KCNIP4: variants seen among roughly 807,000 people sequenced by gnomAD.
KCNIP4 encodes the protein potassium voltage-gated channel interacting protein 4, also known as Kv channel-interacting protein 4.
In KCNIP4, 12 loss-of-function variants were observed where a neutral mutation model predicts 34.0. The observed-to-expected ratio is 0.35, with a 90% confidence interval of 0.23 to 0.57. KCNIP4 has a LOEUF of 0.57. KCNIP4 is among the 20% of genes least tolerant of loss of function. KCNIP4 has a pLI of 0.83. For synonymous variants in KCNIP4, 124 were observed against 102.2 expected (o/e 1.21, Z -1.29); for missense variants, 238 against 311.7 (o/e 0.76, Z 1.78).
intron 1 of KCNIP4, among the ~76,000 whole-genome samples, chr4:21,745,332 A>C (rs1045494027): frequency 1.3e-5 from 2 of 152,182 alleles, no homozygotes; most frequent in Non-Finnish European, 2.9e-5. Flanking sequence ...AGATTTCAGA[A>C]AGTAGTAGCT....
In KCNIP4 at chr4:21,401,730, C is replaced by T. The variant is rs552689590; in HGVS notation, c.62-519021G>A. Among the ~76,000 whole-genome samples, 6 of 152,296 alleles carry T rather than the reference C, an allele frequency of 3.9e-5. No individual in the cohort carries two copies. The East Asian group carries it at 9.6e-4, about 24-fold the overall frequency. Reference sequence around the variant, plus strand: ...TGAAAATGAGTCTGATGTGCTAATTCATAGCACATTCCCTATACTTACGTT... The same window carrying T: ...TGAAAATGAGTCTGATGTGCTAATTTATAGCACATTCCCTATACTTACGTT... On this transcript the variant is annotated intron_variant, in intron 1 of 8. Coordinates refer to ENST00000382152, the MANE Select transcript of KCNIP4 (RefSeq NM_025221.6).
intron 1 of KCNIP4, among the ~76,000 whole-genome samples, chr4:21,130,073 C>A (rs967546451): frequency 5.9e-5 from 9 of 152,022 alleles, no homozygotes; most frequent in Non-Finnish European, 1.0e-4. Flanking sequence ...CTTGAATGAC[C>A]TTGGCCTTCC....
At chr4:21,463,087 T>C (rs896043005) in intron 1 of KCNIP4, among the ~76,000 whole-genome samples, 8 of 152,054 alleles carry the variant, frequency 5.3e-5, no homozygotes, top group Non-Finnish European at 8.8e-5. Context: ...TTGAGAAATC[T>C]CCATATTGTT....
At chr4:21,458,077 T>C (rs898244164) in intron 1 of KCNIP4, among the ~76,000 whole-genome samples, 1 of 151,348 alleles carries the variant, frequency 6.6e-6, no homozygotes, top group Admixed American at 6.6e-5. Flanking sequence ...TGTGCCATGC[T>C]GGTGCGCTGC....
intron 1 of KCNIP4, among the ~76,000 whole-genome samples, chr4:21,604,633 C>T (rs1053445217): frequency 7.9e-5 from 12 of 152,084 alleles, no homozygotes; most frequent in Non-Finnish European, 1.6e-4. Flanking sequence ...TCTTTTATTT[C>T]CATACAGAGT....
intron 1 of KCNIP4, among the ~76,000 whole-genome samples, chr4:20,990,873 A>G (rs1737024411): frequency 6.6e-6 from 1 of 152,180 alleles, no homozygotes; most frequent in Non-Finnish European, 1.5e-5. Context: ...GTGATTCTCC[A>G]GGATAATAAT....
Position 21,059,253 on chromosome 4 carries a change from T to A in KCNIP4, c.62-176544A>T, listed in dbSNP as rs1032992441. Among the ~76,000 whole-genome samples, 13 of 152,180 alleles carry A rather than the reference T, an allele frequency of 8.5e-5. No homozygotes were observed. In the East Asian group the frequency reaches 9.6e-4, roughly 11 times the overall value. On this transcript the variant is annotated intron_variant, in intron 1 of 8. Transcript: ENST00000382152. ...CTTTGTGGGTCTAAAAATATCCGAC[T>A]TTTTCCTCTGAGCAATTGTACTTCT...
intron 1 of KCNIP4, among the ~76,000 whole-genome samples, chr4:21,025,868 T>C (rs1447279647): frequency 6.6e-6 from 1 of 152,124 alleles, no homozygotes; most frequent in East Asian, 1.9e-4. Context: ...TACTGGTTTT[T>C]AAAATTTATT....
intron 1 of KCNIP4, among the ~76,000 whole-genome samples, chr4:21,025,821 C>T (rs1740513963): frequency 6.6e-6 from 1 of 152,026 alleles, no homozygotes; most frequent in African/African-American, 2.4e-5. Context: ...CCCTAAAGTG[C>T]TGGGATTACA....
intron 1 of KCNIP4, among the ~76,000 whole-genome samples, chr4:20,889,174 A>C (rs929163230): frequency 1.3e-5 from 2 of 152,098 alleles, no homozygotes; most frequent in African/African-American, 4.8e-5. Context: ...TTTGCTTCAT[A>C]TTTATAGTCA....
chr4:20,768,819 G>A (rs1400941660), intron 3 of KCNIP4, among the ~76,000 whole-genome samples: 1 of 152,064 alleles, frequency 6.6e-6, no homozygotes, highest in African/African-American at 2.4e-5. Context: ...TGGTTAAATA[G>A]GCACTGCAGA....
intron 1 of KCNIP4, among the ~76,000 whole-genome samples, chr4:20,979,257 TAAG>T (rs998693180): frequency 6.6e-6 from 1 of 152,154 alleles, no homozygotes; most frequent in African/African-American, 2.4e-5. Context: ...TATCATTAAA[TAAG>T]AACTTCTGGA....
intron 1 of KCNIP4, among the ~76,000 whole-genome samples, chr4:21,471,663 C>A (rs1232918228): frequency 6.6e-6 from 1 of 152,112 alleles, no homozygotes; most frequent in Non-Finnish European, 1.5e-5. Context: ...ATTTCCTTTT[C>A]AACAGGGCTT....
At chr4:20,900,793 T>C (rs569144786) in intron 1 of KCNIP4, among the ~76,000 whole-genome samples, 2 of 151,622 alleles carry the variant, frequency 1.3e-5, no homozygotes, top group South Asian at 2.1e-4. Flanking sequence ...GTTAAAACAC[T>C]CACAGATCAT....
chr4:20,802,196 C>CTA lies in KCNIP4; in HGVS notation c.289-43308_289-43307dup, dbSNP rs757881129. On this transcript the variant is annotated intron_variant, in intron 3 of 8. Coordinates refer to ENST00000382152, the MANE Select transcript of KCNIP4 (RefSeq NM_025221.6). ...ATGCTATATATATGCTATATATATG[C>CTA]TATATATATATGCTACATATATGCT... Among the ~76,000 whole-genome samples the CTA allele has an allele frequency of 4.8e-4, 53 of 111,440 alleles. 1 individual carries two copies. Among genetic ancestry groups the CTA allele is most frequent in the African/African-American group, 2.1e-3 (51 of 24,834 alleles). The allele number at this position is 111,440 out of a possible 152,430, so 73.1% of individuals were successfully genotyped here.
intron 1 of KCNIP4, among the ~76,000 whole-genome samples, chr4:21,729,549 G>A (rs1327384469): frequency 6.6e-6 from 1 of 151,260 alleles, no homozygotes; most frequent in Non-Finnish European, 1.5e-5. Context: ...GTTCTATGGA[G>A]CCTCAAGTGT....
At chr4:20,770,474 C>CA (rs11371014) in intron 3 of KCNIP4, among the ~76,000 whole-genome samples, 15,378 of 146,074 alleles carry the variant, frequency 0.11, 1,147 homozygotes, top group African/African-American at 0.22. Context: ...TAATATTGAC[C>CA]AAAAAAAAAA....
At chr4:20,825,855 C>G (rs1717695703) in intron 3 of KCNIP4, among the ~76,000 whole-genome samples, 1 of 152,122 alleles carries the variant, frequency 6.6e-6, no homozygotes, top group Non-Finnish European at 1.5e-5. Context: ...TGAAAGAATT[C>G]TGGATTAGAC....
At chr4:20,934,320 C>G (rs979096903) in intron 1 of KCNIP4, among the ~76,000 whole-genome samples, 1 of 152,164 alleles carries the variant, frequency 6.6e-6, no homozygotes, top group African/African-American at 2.4e-5. Context: ...ATGGTGGCCA[C>G]CTCACCTATG....
Sources: gnomAD v4.1 joint callset for allele counts (sites outside exome capture counted in the v4.1 genomes callset) on GRCh38, gnomAD v4.1.1 for gene constraint, MANE v1.5 for transcripts, NCBI Gene and HGNC (gene_info 2026-07-23, HGNC 2026-07-21) for gene names.